The following VPS13B variants were observed in gnomAD, a reference collection of about 807,000 sequenced individuals.
VPS13B encodes the protein vacuolar protein sorting 13 homolog B.
VPS13B carries 285 observed loss-of-function variants against 426.4 expected under a neutral mutation model. The observed-to-expected ratio is 0.67, with a 90% CI of 0.61 to 0.74. The LOEUF (loss-of-function observed/expected upper bound fraction) is 0.74, where lower values mean the gene tolerates loss of function less well. VPS13B is among the 30% of genes least tolerant of loss of function. The probability of loss-of-function intolerance (pLI) is 0.00; values close to 1 mark genes in which losing one functional copy is unlikely to be tolerated. For synonymous variants in VPS13B, 1,676 were observed against 1,676.4 expected (o/e 1.00, Z 0.01); for missense variants, 4,537 against 4,782.6 (o/e 0.95, Z 1.51).
intron 31 of VPS13B, among the ~76,000 whole-genome samples, chr8:99,560,401 A>C (rs1481844593): frequency 6.6e-6 from 1 of 152,128 alleles, no homozygotes; most frequent in Non-Finnish European, 1.5e-5. Context: ...GTTAAGTCTC[A>C]TTTGTGTGTG....
rs146738645 is a variant in VPS13B, at chr8:99,826,093, C to A, written c.9330+2115C>A. On this transcript the variant is annotated intron_variant, in intron 51 of 61. Coordinates refer to ENST00000357162, the MANE Select transcript of VPS13B (RefSeq NM_152564.5). ...TACATGAAGTTTAAAGTAGTTTTTTCTAATTCTGTGAAGAAAGTCAATGGT... is the reference window on the plus strand; with the variant it reads ...TACATGAAGTTTAAAGTAGTTTTTTATAATTCTGTGAAGAAAGTCAATGGT... Among the ~76,000 whole-genome samples the A allele has an allele frequency of 8.1e-4, 124 of 152,256 alleles. 4 individuals carry two copies. The East Asian group carries it at 0.02, about 25-fold the overall frequency.
chr8:99,063,304 TC>T (rs994250502), intron 3 of VPS13B, among the ~76,000 whole-genome samples: 1 of 152,192 alleles, frequency 6.6e-6, no homozygotes, highest in African/African-American at 2.4e-5. Context: ...TCGGGGGATT[TC>T]CCTTTCCTAG....
At chr8:99,168,191 G>T (rs917092460) in intron 15 of VPS13B, among the ~76,000 whole-genome samples, 4 of 152,192 alleles carry the variant, frequency 2.6e-5, no homozygotes, top group African/African-American at 9.6e-5. Flanking sequence ...CTGTTTTATT[G>T]TAATTTTCAC....
intron 2 of VPS13B, among the ~76,000 whole-genome samples, chr8:99,015,068 A>G (rs573986922): frequency 6.6e-6 from 1 of 152,180 alleles, no homozygotes; most frequent in South Asian, 2.1e-4. Flanking sequence ...TTACTCTTTT[A>G]TTAAGTCAAT....
rs561752607 is a variant in VPS13B, at chr8:99,112,884, C to T, written c.762+1605C>T. ...TGTTCTCAAAACTGATTAGTCATTA[C>T]ATTTCACTGAAAAAGTCCCTTATCA... On this transcript the variant is annotated intron_variant, in intron 6 of 61. Coordinates refer to ENST00000357162, the MANE Select transcript of VPS13B (RefSeq NM_152564.5). Among the ~76,000 whole-genome samples, 5 of 152,222 alleles carry T rather than the reference C, an allele frequency of 3.3e-5. No homozygotes were observed. The South Asian group carries it at 1.0e-3, about 32-fold the overall frequency.
chr8:99,667,161 T>G (rs1481338677), intron 35 of VPS13B, among the ~76,000 whole-genome samples: 2 of 152,156 alleles, frequency 1.3e-5, no homozygotes, highest in African/African-American at 4.8e-5. Context: ...AAATGGTGAT[T>G]TAATAGTTCT....
intron 21 of VPS13B, among the ~76,000 whole-genome samples, chr8:99,412,663 A>T (rs1046724395): frequency 6.6e-6 from 1 of 152,164 alleles, no homozygotes; most frequent in Non-Finnish European, 1.5e-5. Context: ...TTCAAAGGGA[A>T]TGCTTCCAGC....
At chr8:99,786,049 C>T (rs967899177) in intron 43 of VPS13B, among the ~76,000 whole-genome samples, 8 of 152,126 alleles carry the variant, frequency 5.3e-5, no homozygotes, top group African/African-American at 1.9e-4. Flanking sequence ...CTCAGAGACC[C>T]TCAGGATTCT....
At chr8:99,177,468 A>G (rs1392859313) in intron 16 of VPS13B, among the ~76,000 whole-genome samples, 2 of 152,372 alleles carry the variant, frequency 1.3e-5, no homozygotes, top group East Asian at 3.9e-4. Context: ...GCACAATTAT[A>G]GGTAAATAGT....
chr8:99,634,420 AGTG>A (rs1828990158), intron 33 of VPS13B, among the ~76,000 whole-genome samples: 1 of 151,986 alleles, frequency 6.6e-6, no homozygotes, highest in Non-Finnish European at 1.5e-5. Flanking sequence ...AGCAGGCAGT[AGTG>A]GCCTCATACT....
intron 15 of VPS13B, among the ~76,000 whole-genome samples, chr8:99,164,132 G>A (rs985161699): frequency 6.6e-6 from 1 of 152,124 alleles, no homozygotes; most frequent in Non-Finnish European, 1.5e-5. Context: ...CAGGGGTCCC[G>A]GGTAGAAGTT....
intron 13 of VPS13B, among the ~76,000 whole-genome samples, chr8:99,143,655 T>A (rs1810550289): frequency 6.6e-6 from 1 of 152,086 alleles, no homozygotes; most frequent in South Asian, 2.1e-4. Context: ...AACTCTAGAG[T>A]AGAGCATAAT....
chr8:99,081,107 T>G (rs1845427736), intron 3 of VPS13B, among the ~76,000 whole-genome samples: 1 of 152,212 alleles, frequency 6.6e-6, no homozygotes, highest in African/African-American at 2.4e-5. Context: ...CAGTAAGTTT[T>G]TTCTGCCTCC....
chr8:99,263,874 G>A (rs1478209378), intron 17 of VPS13B, among the ~76,000 whole-genome samples: 1 of 151,808 alleles, frequency 6.6e-6, no homozygotes, highest in Non-Finnish European at 1.5e-5. Context: ...TAGTTTTTAG[G>A]GCCAATACTC....
rs779699463 is a variant in VPS13B at position 99,365,971 on chromosome 8, G to GTT, written c.2825-18226_2825-18225dup. Among the ~76,000 whole-genome samples the GTT allele has an allele frequency of 2.9e-4, 38 of 132,212 alleles. No individual in the cohort carries two copies. The East Asian group carries it at 5.2e-3, about 18-fold the overall frequency. 86.7% of individuals were successfully genotyped at this position (132,212 alleles called of 152,430 possible). ...TTGATATTATCTCAGGTTTTTTGTT[G>GTT]TTTTTTTTTTTTAATGTTTTAAGAC... On this transcript the variant is annotated intron_variant, in intron 19 of 61. Transcript: ENST00000357162.
rs540293922 is a variant in VPS13B at position 99,174,058 on chromosome 8, A to G, written c.2333+3895A>G. ...TATTCTAGGTACCTCACTGAAATGG[A>G]ATCATTCCATATTTGTCATTTGTGT... On this transcript the variant is annotated intron_variant, in intron 16 of 61. Transcript: ENST00000357162. 4.6e-5 allele frequency among the ~76,000 whole-genome samples: 7 copies of G among 152,328 alleles called. No homozygotes were observed. In the East Asian group the frequency reaches 1.3e-3, roughly 29 times the overall value.
At chr8:99,119,601 T>C (rs1847840638) in intron 7 of VPS13B, 1 of 152,140 alleles carries the variant, frequency 6.6e-6, no homozygotes, top group Non-Finnish European at 1.5e-5. Flanking sequence ...TACAATGGCT[T>C]AAGTGTCTTG....
At chr8:99,128,123 G>A (rs1290064521) in intron 8 of VPS13B, among the ~76,000 whole-genome samples, 1 of 151,958 alleles carries the variant, frequency 6.6e-6, no homozygotes, top group Non-Finnish European at 1.5e-5. Flanking sequence ...GGGCATGATG[G>A]CTCACACCTG....
chr8:99,521,126 T>C, intron 30 of VPS13B, 116 bp downstream of exon 30: 9 of 858,154 alleles, frequency 1.0e-5, no homozygotes, highest in South Asian at 6.1e-5. Flanking sequence ...TCTTTTGATA[T>C]TTAAAACCAG....
Sources: allele counts gnomAD v4.1 joint callset (sites outside exome capture counted in the v4.1 genomes callset), GRCh38; gene constraint gnomAD v4.1.1; transcripts MANE v1.5; gene names NCBI Gene and HGNC (gene_info 2026-07-23, HGNC 2026-07-21).